The following NXPE2 variants were observed in gnomAD, a reference collection of about 807,000 sequenced individuals.
NXPE2 encodes NXPE family member 2.
In NXPE2, 34 loss-of-function variants were observed where a neutral mutation model predicts 34.4. The ratio of observed to expected loss-of-function variants is 0.99; its 90% CI spans 0.75 to 1.31. The LOEUF (loss-of-function observed/expected upper bound fraction) is 1.31. NXPE2 is among the 40% of genes most tolerant of loss of function. The pLI, the probability that NXPE2 is intolerant of heterozygous loss-of-function variation, is 0.00. For synonymous variants in NXPE2, 235 were observed against 231.3 expected, an observed-to-expected ratio of 1.02 and a Z score of -0.15; for missense variants, 649 against 672.5, an observed-to-expected ratio of 0.97 and a Z score of 0.39.
chr11:114,566,830 G>A, the NXPE2 span, among the ~76,000 whole-genome samples: 6 of 152,078 alleles, frequency 3.9e-5, no homozygotes, highest in Non-Finnish European at 8.8e-5. Flanking sequence ...CTATTAGAGA[G>A]TAGTCTATTT....
At chr11:114,764,695 T>G in the NXPE2 span, among the ~76,000 whole-genome samples, 141,669 of 152,122 alleles carry the variant, frequency 0.93, 66,837 homozygotes, top group East Asian at 1. Flanking sequence ...ATCCCTCCCT[T>G]CTATACTAAC....
At chr11:114,557,378 C>T in the NXPE2 span, among the ~76,000 whole-genome samples, 1 of 151,744 alleles carries the variant, frequency 6.6e-6, no homozygotes, top group Non-Finnish European at 1.5e-5. Context: ...AAATGAGGGA[C>T]CTTAGAAAAC....
chr11:114,501,780 C>T, the NXPE2 span, among the ~76,000 whole-genome samples: 1 of 152,100 alleles, frequency 6.6e-6, no homozygotes, highest in African/African-American at 2.4e-5. Flanking sequence ...GACTTAGTAT[C>T]TCAACGTATC....
At chr11:114,586,802 T>G in the NXPE2 span, among the ~76,000 whole-genome samples, 1 of 152,138 alleles carries the variant, frequency 6.6e-6, no homozygotes, top group African/African-American at 2.4e-5. Flanking sequence ...AACTTCCATG[T>G]CTCCTATCCA....
intron 4 of NXPE2, among the ~76,000 whole-genome samples, chr11:114,705,254 T>C (rs183517865): frequency 6.6e-6 from 1 of 152,286 alleles, no homozygotes; most frequent in Admixed American, 6.5e-5. Context: ...GACATGACAA[T>C]TAAGATTTAA....
intron 2 of NXPE2, among the ~76,000 whole-genome samples, chr11:114,681,551 T>A (rs990496857): frequency 6.6e-6 from 1 of 152,172 alleles, no homozygotes; most frequent in African/African-American, 2.4e-5. Context: ...TCATGTAACT[T>A]CCACGTAGTT....
chr11:114,466,756 C>CT, the NXPE2 span, among the ~76,000 whole-genome samples: 1 of 152,104 alleles, frequency 6.6e-6, no homozygotes, highest in Non-Finnish European at 1.5e-5. Flanking sequence ...TCCACTTATT[C>CT]TTTTTTACCT....
chr11:114,562,631 T>A, the NXPE2 span, among the ~76,000 whole-genome samples: 99 of 152,360 alleles, frequency 6.5e-4, no homozygotes, highest in Middle Eastern at 3.4e-3. Flanking sequence ...TAATCTCTCT[T>A]ATTTATTACT....
chr11:114,524,864 A>G, the NXPE2 span, among the ~76,000 whole-genome samples: 279 of 152,332 alleles, frequency 1.8e-3, no homozygotes, highest in Non-Finnish European at 2.8e-3. Flanking sequence ...TTTGAACAGT[A>G]TGTGGGTAAT....
the NXPE2 span, among the ~76,000 whole-genome samples, chr11:114,598,150 T>A: frequency 6.6e-6 from 1 of 152,178 alleles, no homozygotes; most frequent in African/African-American, 2.4e-5. Flanking sequence ...ACAGGCTTCA[T>A]GCAAGTTCAA....
At chr11:114,564,514 G>A in the NXPE2 span, among the ~76,000 whole-genome samples, 4 of 152,126 alleles carry the variant, frequency 2.6e-5, no homozygotes, top group African/African-American at 4.8e-5. Flanking sequence ...AGTGTTATAT[G>A]TGTCTAAATG....
At chr11:114,568,402 C>A in the NXPE2 span, among the ~76,000 whole-genome samples, 1 of 152,134 alleles carries the variant, frequency 6.6e-6, no homozygotes, top group Admixed American at 6.5e-5. Flanking sequence ...TGGAGCTTCA[C>A]AACCCTTGTT....
the NXPE2 span, among the ~76,000 whole-genome samples, chr11:114,805,207 A>T: frequency 3.2e-3 from 428 of 133,606 alleles, 1 homozygote; most frequent in African/African-American, 0.01. Flanking sequence ...TTTTTTTTTA[A>T]AAAAGGTAGG....
intron 2 of NXPE2, among the ~76,000 whole-genome samples, chr11:114,687,080 G>T (rs1951061662): frequency 6.6e-6 from 1 of 152,078 alleles, no homozygotes; most frequent in Non-Finnish European, 1.5e-5. Flanking sequence ...TTGTTCTGTT[G>T]ATAGTTTGTT....
chr11:114,603,721 G>C, the NXPE2 span, among the ~76,000 whole-genome samples: 1 of 151,476 alleles, frequency 6.6e-6, no homozygotes, highest in African/African-American at 2.4e-5. Flanking sequence ...TCGTCTCCTA[G>C]TTAACTCCTA....
Position 114,706,991 on chromosome 11 carries a change from G to A in NXPE2, c.*61G>A, listed in dbSNP as rs1467605044. 2.3e-6 allele frequency: 3 copies of A among 1,332,082 alleles called. No individual in the cohort carries two copies. In the East Asian group the frequency reaches 7.6e-5, roughly 34 times the overall value. The allele number at this position is 1,332,082 out of a possible 1,614,324, so 82.5% of individuals were successfully genotyped here. On this transcript the variant is annotated 3_prime_UTR_variant, in exon 6 of 6. Transcript: ENST00000389586. Reference sequence around the variant, plus strand: ...TAGATGATCTCACATATACAGCGAAGATAGTTTAATGCAATCCAAGTTTTG... The same window carrying A: ...TAGATGATCTCACATATACAGCGAAAATAGTTTAATGCAATCCAAGTTTTG...
At chr11:114,583,450 G>A in the NXPE2 span, 10 of 667,232 alleles carry the variant, frequency 1.5e-5, no homozygotes, top group African/African-American at 1.4e-4. Flanking sequence ...AGATGACCAA[G>A]TACCACAGTG....
chr11:114,487,877 A>G, the NXPE2 span, among the ~76,000 whole-genome samples: 1 of 152,084 alleles, frequency 6.6e-6, no homozygotes, highest in African/African-American at 2.4e-5. Context: ...ATGAATGATC[A>G]TTTTAATGTG....
chr11:114,799,018 A>G, the NXPE2 span, among the ~76,000 whole-genome samples: 18,257 of 152,240 alleles, frequency 0.12, 1,224 homozygotes, highest in Admixed American at 0.21. Context: ...TTTGTTGCCA[A>G]ATCAGAATGT....
Sources: allele counts gnomAD v4.1 joint callset (sites outside exome capture counted in the v4.1 genomes callset), GRCh38; gene constraint gnomAD v4.1.1; transcripts MANE v1.5; gene names NCBI Gene and HGNC (gene_info 2026-07-23, HGNC 2026-07-21).